The following PCDHA13 variants were observed in gnomAD, a reference collection of about 807,000 sequenced individuals.
The protein encoded by PCDHA13 is protocadherin alpha-13.
In PCDHA13, 54 loss-of-function variants were observed where a neutral mutation model predicts 64.8. That is an observed-to-expected ratio of 0.83 (90% CI 0.67 to 1.04). PCDHA13 has a LOEUF of 1.04. Ranked by LOEUF, PCDHA13 falls within the 50% of genes least tolerant of loss-of-function variation. The pLI, the probability that PCDHA13 is intolerant of heterozygous loss-of-function variation, is 0.00. For missense variants in PCDHA13, 1,248 were observed against 1,254.3 expected (o/e 0.99, Z 0.08); for synonymous variants, 587 against 564.4 (o/e 1.04, Z -0.57).
rs782003848 is a variant in PCDHA13 at position 140,929,358 on chromosome 5, G to GC, written c.2394+44699dup. The GC allele has an allele frequency of 3.9e-6, 6 of 1,522,886 alleles. No homozygotes were observed. The South Asian group carries it at 5.3e-5, about 13-fold the overall frequency. 94.3% of individuals were successfully genotyped at this position (1,522,886 alleles called of 1,614,324 possible). A position where few individuals can be genotyped will look rare whatever the true frequency, so the allele number is the denominator to read the frequency against. Reference sequence around the variant, plus strand: ...AATTTTATGGAATTTGATTCCTTTGGCCCGGAGATGGCTGCTAGCTGTGTT... The same window carrying GC: ...AATTTTATGGAATTTGATTCCTTTGGCCCCGGAGATGGCTGCTAGCTGTGTT... On this transcript the variant is annotated intron_variant, in intron 1 of 3. Coordinates refer to ENST00000289272, the MANE Select transcript of PCDHA13 (RefSeq NM_018904.3).
At chr5:141,003,658 A>G (rs1379758431) in intron 3 of PCDHA13, among the ~76,000 whole-genome samples, 2 of 152,212 alleles carry the variant, frequency 1.3e-5, no homozygotes, top group Non-Finnish European at 2.9e-5. Flanking sequence ...GTATGCATTT[A>G]TTAAAATATA....
In PCDHA13 at chr5:140,978,964, C is replaced by A; in HGVS notation, c.2410C>A (p.Pro804Thr). The A allele has an allele frequency of 6.2e-7, 1 of 1,614,122 alleles. No individual in the cohort carries two copies. The highest frequency in any genetic ancestry group is 1.3e-5 in the African/African-American group (1 of 75,040). ...GATTTTGCAGCCACGACAGCCCAAC[C>A]CTGACTGGCGTTACTCTGCCTCCCT... The part of the protein sequence containing the change: ...ECLKEPRQPN[P>T]DWRYSASLRA... Residue 804 changes from proline (P) to threonine (T), a missense_variant, in exon 2 of 4, where the codon CCT becomes ACT. Transcript: ENST00000289272.
Position 140,882,649 on chromosome 5 carries a change from C to T in PCDHA13, c.381C>T (p.Asn127=), listed in dbSNP as rs559940161. Residue 127 remains asparagine (N), a synonymous_variant, in exon 1 of 4, where the codon AAC becomes AAT. Transcript: ENST00000289272. ...FHVEVKVRDI[N]DNPPIFPESK... ...TGGAGGTGAAGGTGAGGGACATTAA[C>T]GACAACCCGCCCATATTCCCTGAAA... The T allele has an allele frequency of 6.2e-6, 10 of 1,614,214 alleles. No individual in the cohort carries two copies. In the African/African-American group the frequency reaches 1.1e-4, roughly 17 times the overall value.
At chr5:140,927,639 G>T in intron 1 of PCDHA13, 11 of 1,614,194 alleles carry the variant, frequency 6.8e-6, no homozygotes, top group Non-Finnish European at 9.3e-6. Flanking sequence ...CACCCAATGG[G>T]ACTGTGTTAT....
chr5:140,947,882 T>C (rs1554218353), intron 1 of PCDHA13, among the ~76,000 whole-genome samples: 1 of 151,580 alleles, frequency 6.6e-6, no homozygotes, highest in Non-Finnish European at 1.5e-5. Context: ...TCCAGGACAA[T>C]ATAAACAGAA....
At chr5:140,949,663 T>C (rs1038571728) in intron 1 of PCDHA13, among the ~76,000 whole-genome samples, 2 of 151,872 alleles carry the variant, frequency 1.3e-5, no homozygotes, top group Non-Finnish European at 3.0e-5. Flanking sequence ...TTTGTTTCTT[T>C]AAAGTATGCC....
intron 3 of PCDHA13, chr5:140,988,966 GGA>G (rs1339632887): frequency 2.0e-5 from 3 of 152,162 alleles, no homozygotes; most frequent in African/African-American, 7.2e-5. Flanking sequence ...GCCCCACGAT[GGA>G]GAGAAGCAGG....
At chr5:140,956,297 G>A (rs1449094533) in intron 1 of PCDHA13, among the ~76,000 whole-genome samples, 1 of 151,928 alleles carries the variant, frequency 6.6e-6, no homozygotes, top group African/African-American at 2.4e-5. Context: ...TCATATATAT[G>A]GCTCTTATTA....
At chr5:140,933,731 A>G (rs1210438420) in intron 1 of PCDHA13, among the ~76,000 whole-genome samples, 2 of 151,958 alleles carry the variant, frequency 1.3e-5, no homozygotes, top group East Asian at 1.9e-4. Context: ...CAGCTTTCTT[A>G]AATATTTGGT....
chr5:140,975,953 T>C (rs1554237158), intron 1 of PCDHA13, among the ~76,000 whole-genome samples: 1 of 152,084 alleles, frequency 6.6e-6, no homozygotes, highest in East Asian at 1.9e-4. Flanking sequence ...CATATTAGAG[T>C]TCTTCACCAA....
chr5:140,966,546 C>T, intron 1 of PCDHA13: 1 of 466,228 alleles, frequency 2.1e-6, no homozygotes, highest in Non-Finnish European at 3.7e-6. Context: ...GACTCGGAGG[C>T]GAGCGGAGGA....
At chr5:140,915,753 G>A (rs1196952771) in intron 1 of PCDHA13, among the ~76,000 whole-genome samples, 1 of 151,952 alleles carries the variant, frequency 6.6e-6, no homozygotes, top group Non-Finnish European at 1.5e-5. Context: ...AGCCAGCACA[G>A]CCCTGGGTCT....
chr5:141,007,377 A>C (rs13186204), intron 3 of PCDHA13, among the ~76,000 whole-genome samples: 7,611 of 136,554 alleles, frequency 0.056, 239 homozygotes, highest in South Asian at 0.11. Flanking sequence ...ATGATGGAAC[A>C]CCATCTCTAC....
chr5:140,998,059 C>T (rs1471709750), intron 3 of PCDHA13, among the ~76,000 whole-genome samples: 1 of 152,154 alleles, frequency 6.6e-6, no homozygotes, highest in East Asian at 1.9e-4. Context: ...ACATCATCAT[C>T]AACAGACTTA....
At chr5:140,940,731 G>T (rs1195223562) in intron 1 of PCDHA13, among the ~76,000 whole-genome samples, 2 of 152,162 alleles carry the variant, frequency 1.3e-5, no homozygotes, top group Admixed American at 1.3e-4. Flanking sequence ...CAGCTGGACA[G>T]CTCCATATTT....
intron 1 of PCDHA13, chr5:140,967,981 G>C: frequency 6.2e-7 from 1 of 1,614,202 alleles, no homozygotes; most frequent in Non-Finnish European, 8.5e-7. Flanking sequence ...TGGGTCTGGA[G>C]GCCACACTGC....
chr5:140,934,706 T>G (rs141577289), intron 1 of PCDHA13, among the ~76,000 whole-genome samples: 348 of 152,292 alleles, frequency 2.3e-3, no homozygotes, highest in African/African-American at 8.1e-3. Context: ...CCTGGCCATC[T>G]TACAAAAAGG....
At chr5:140,905,621 T>C (rs1180191773) in intron 1 of PCDHA13, among the ~76,000 whole-genome samples, 1 of 152,224 alleles carries the variant, frequency 6.6e-6, no homozygotes, top group Non-Finnish European at 1.5e-5. Flanking sequence ...TAGATTGCTT[T>C]TGACAGTATG....
At chr5:140,966,622 G>C in intron 1 of PCDHA13, 1 of 854,486 alleles carries the variant, frequency 1.2e-6, no homozygotes, top group Non-Finnish European at 1.6e-6. Flanking sequence ...TACGGAGGGA[G>C]CGGCCCCAGG....
Sources: allele counts gnomAD v4.1 joint callset (sites outside exome capture counted in the v4.1 genomes callset), GRCh38; gene constraint gnomAD v4.1.1; transcripts MANE v1.5; gene names NCBI Gene and HGNC (gene_info 2026-07-23, HGNC 2026-07-21).